The following PDE7B variants were observed in gnomAD, a reference collection of about 807,000 sequenced individuals.
PDE7B encodes phosphodiesterase 7B, also known as 3',5'-cyclic-AMP phosphodiesterase 7B.
Under a neutral mutation model 56.2 loss-of-function variants are expected in PDE7B, and 29 were observed. The ratio of observed to expected loss-of-function variants is 0.52; its 90% confidence interval spans 0.38 to 0.70. The LOEUF (loss-of-function observed/expected upper bound fraction) is 0.70. Among genes scored for constraint, PDE7B ranks in the 30% least tolerant of loss-of-function variants. The pLI is 0.00. For missense variants in PDE7B, 490 were observed against 565.0 expected, an observed-to-expected ratio of 0.87 and a Z score of 1.35; for synonymous variants, 197 against 196.9, an observed-to-expected ratio of 1.00 and a Z score of 0.00.
chr6:136,024,135 C>T (rs1776113473), intron 2 of PDE7B, among the ~76,000 whole-genome samples: 1 of 152,004 alleles, frequency 6.6e-6, no homozygotes, highest in Non-Finnish European at 1.5e-5. Context: ...TAGGGAGAAA[C>T]TAATTGGATA....
At chr6:136,181,743 T>G (rs1376000555) in intron 11 of PDE7B, among the ~76,000 whole-genome samples, 1 of 148,966 alleles carries the variant, frequency 6.7e-6, no homozygotes, top group East Asian at 1.9e-4. Flanking sequence ...CCTTTTGTAT[T>G]CCTTCTCCTT....
At chr6:135,958,675 C>T (rs1774843400) in intron 2 of PDE7B, among the ~76,000 whole-genome samples, 1 of 152,052 alleles carries the variant, frequency 6.6e-6, no homozygotes, top group Admixed American at 6.6e-5. Flanking sequence ...TAAATAAATA[C>T]TTGTTCTCAT....
Position 136,066,076 on chromosome 6 carries a change from A to G in PDE7B, c.83-42655A>G, listed in dbSNP as rs796463639. Among the ~76,000 whole-genome samples the G allele has an allele frequency of 6.6e-5, 10 of 152,102 alleles. No homozygotes were observed. The South Asian group carries it at 1.5e-3, about 22-fold the overall frequency. On this transcript the variant is annotated intron_variant, in intron 2 of 12. Coordinates refer to ENST00000308191, the MANE Select transcript of PDE7B (RefSeq NM_018945.4). ...TTTTAAGTTTTATCCAGGCATGTCT[A>G]TATGTGGCTCTTTCCTTATTTTTAG...
At chr6:135,980,572 A>T (rs1250131247) in intron 2 of PDE7B, among the ~76,000 whole-genome samples, 1 of 152,190 alleles carries the variant, frequency 6.6e-6, no homozygotes, top group Non-Finnish European at 1.5e-5. Context: ...CAGCATCTAC[A>T]ATGAACTCAA....
intron 1 of PDE7B, among the ~76,000 whole-genome samples, chr6:135,903,460 G>A (rs1776041383): frequency 6.6e-6 from 1 of 152,182 alleles, no homozygotes; most frequent in Admixed American, 6.6e-5. Context: ...TAGTGTCTGA[G>A]CTAGAATGAG....
intron 5 of PDE7B, among the ~76,000 whole-genome samples, chr6:136,149,996 T>C (rs1289997030): frequency 6.6e-6 from 1 of 152,164 alleles, no homozygotes; most frequent in Non-Finnish European, 1.5e-5. Context: ...TCAAATCAAC[T>C]GAGAAACGGG....
At chr6:136,034,434 A>G (rs1042828789) in intron 2 of PDE7B, 1 of 152,240 alleles carries the variant, frequency 6.6e-6, no homozygotes, top group Non-Finnish European at 1.5e-5. Flanking sequence ...TTTTTGGAAG[A>G]AGGAGCCAAT....
chr6:135,942,213 G>C (rs1380849346), intron 1 of PDE7B, among the ~76,000 whole-genome samples: 1 of 152,020 alleles, frequency 6.6e-6, no homozygotes, highest in Non-Finnish European at 1.5e-5. Flanking sequence ...CTAAACGTAT[G>C]GTGAAAGTGA....
intron 2 of PDE7B, among the ~76,000 whole-genome samples, chr6:136,056,035 G>T (rs956245211): frequency 6.6e-6 from 1 of 152,170 alleles, no homozygotes; most frequent in Non-Finnish European, 1.5e-5. Context: ...AAAGGAAAAA[G>T]AAGACGGGAG....
At chr6:135,890,376 C>T (rs750057467) in intron 1 of PDE7B, among the ~76,000 whole-genome samples, 2 of 152,094 alleles carry the variant, frequency 1.3e-5, no homozygotes, top group East Asian at 1.9e-4. Flanking sequence ...ATTGTTTGTG[C>T]GTTCAAACTG....
chr6:136,093,270 G>C (rs1197399778), intron 2 of PDE7B, among the ~76,000 whole-genome samples: 3 of 152,194 alleles, frequency 2.0e-5, no homozygotes, highest in African/African-American at 7.2e-5. Flanking sequence ...TCGTGAGTTA[G>C]TGAGGCCCAG....
chr6:135,928,487 T>A (rs200696921), intron 1 of PDE7B, among the ~76,000 whole-genome samples: 1,755 of 84,526 alleles, frequency 0.021, 74 homozygotes, highest in East Asian at 0.033. Context: ...ATATATTTAT[T>A]TATATATATA....
At chr6:135,872,445 C>T (rs1445143333) in intron 1 of PDE7B, among the ~76,000 whole-genome samples, 1 of 151,516 alleles carries the variant, frequency 6.6e-6, no homozygotes, top group African/African-American at 2.4e-5. Context: ...CAAAAAAAAT[C>T]ATACAGAAAA....
chr6:136,153,490 A>G (rs1320764482), intron 6 of PDE7B, among the ~76,000 whole-genome samples: 1 of 152,214 alleles, frequency 6.6e-6, no homozygotes, highest in African/African-American at 2.4e-5. Flanking sequence ...ATTAGACTGC[A>G]GGAGCATGAA....
intron 8 of PDE7B, among the ~76,000 whole-genome samples, chr6:136,161,077 T>C (rs1778695330): frequency 6.6e-6 from 1 of 152,220 alleles, no homozygotes; most frequent in Non-Finnish European, 1.5e-5. Context: ...TAAAATGTAG[T>C]ATTCCATGGT....
intron 3 of PDE7B, among the ~76,000 whole-genome samples, chr6:136,138,751 A>C (rs936248925): frequency 1.3e-5 from 2 of 152,130 alleles, no homozygotes; most frequent in African/African-American, 4.8e-5. Flanking sequence ...GCCACCAGTT[A>C]ACACTGCAAC....
chr6:136,090,092 C>T (rs1467148212), intron 2 of PDE7B, among the ~76,000 whole-genome samples: 2 of 151,968 alleles, frequency 1.3e-5, no homozygotes, highest in Non-Finnish European at 2.9e-5. Context: ...TCAAAAAGTG[C>T]TGTATTAGTG....
intron 2 of PDE7B, among the ~76,000 whole-genome samples, chr6:136,012,267 G>A (rs1293452765): frequency 6.6e-6 from 1 of 152,078 alleles, no homozygotes; most frequent in Non-Finnish European, 1.5e-5. Flanking sequence ...CTTTCTTGAG[G>A]TGTCTCTGCT....
intron 2 of PDE7B, among the ~76,000 whole-genome samples, chr6:136,106,360 A>C (rs1457999843): frequency 6.6e-6 from 1 of 151,992 alleles, no homozygotes; most frequent in East Asian, 1.9e-4. Context: ...TTCTTTTTTC[A>C]TTTTAAAAAC....
Sources: gnomAD v4.1 joint callset for allele counts (sites outside exome capture counted in the v4.1 genomes callset) on GRCh38, gnomAD v4.1.1 for gene constraint, MANE v1.5 for transcripts, NCBI Gene and HGNC (gene_info 2026-07-23, HGNC 2026-07-21) for gene names.